The following NBEA variants were observed in gnomAD, a reference collection of about 807,000 sequenced individuals.
NBEA encodes the protein lysosomal-trafficking regulator 2.
A neutral mutation model predicts 343.4 loss-of-function variants in NBEA; 44 were observed. That is an observed-to-expected ratio of 0.13 (90% CI 0.10 to 0.16). The LOEUF (loss-of-function observed/expected upper bound fraction) is 0.16, where lower values mean the gene tolerates loss of function less well. NBEA is among the 10% of genes least tolerant of loss of function. The pLI is 1.00. For synonymous variants in NBEA, 1,175 were observed against 1,238.7 expected, an observed-to-expected ratio of 0.95 and a Z score of 1.08; for missense variants, 2,555 against 3,631.3, an observed-to-expected ratio of 0.70 and a Z score of 7.62.
intron 10 of NBEA, among the ~76,000 whole-genome samples, chr13:35,077,502 G>A (rs73483927): frequency 0.1 from 15,612 of 151,958 alleles, 941 homozygotes; most frequent in South Asian, 0.16. Context: ...AGCTGTTCCT[G>A]TATTTCCCAC....
At chr13:35,488,121 C>T (rs553288852) in intron 41 of NBEA, among the ~76,000 whole-genome samples, 1 of 151,840 alleles carries the variant, frequency 6.6e-6, no homozygotes, top group Non-Finnish European at 1.5e-5. Flanking sequence ...TTTTCCGTGA[C>T]TTGACTTATA....
At chr13:35,484,091 C>T (rs776491241) in intron 41 of NBEA, among the ~76,000 whole-genome samples, 1 of 151,884 alleles carries the variant, frequency 6.6e-6, no homozygotes, top group Non-Finnish European at 1.5e-5. Context: ...TAAAATAACA[C>T]GGGAAATTCC....
intron 49 of NBEA, among the ~76,000 whole-genome samples, chr13:35,628,549 C>T (rs1460212789): frequency 3.9e-5 from 6 of 152,086 alleles, no homozygotes; most frequent in Non-Finnish European, 8.8e-5. Flanking sequence ...TAAGTGAAAC[C>T]TAGCTGAATA....
intron 38 of NBEA, among the ~76,000 whole-genome samples, chr13:35,426,781 A>G (rs1408537409): frequency 1.3e-5 from 2 of 152,156 alleles, no homozygotes; most frequent in African/African-American, 2.4e-5. Context: ...TTTCAGGTAC[A>G]CCAATCAGAC....
At chr13:35,228,898 A>G (rs955817078) in intron 33 of NBEA, among the ~76,000 whole-genome samples, 3 of 152,134 alleles carry the variant, frequency 2.0e-5, no homozygotes, top group African/African-American at 7.2e-5. Context: ...GAACTTAACC[A>G]AATATTAAGT....
intron 1 of NBEA, among the ~76,000 whole-genome samples, chr13:35,004,039 T>C (rs1470012596): frequency 2.6e-5 from 4 of 152,214 alleles, no homozygotes; most frequent in Non-Finnish European, 4.4e-5. Flanking sequence ...TTTGGTTTTA[T>C]GTTCCTGTGT....
At chr13:35,325,342 A>G (rs958994929) in intron 36 of NBEA, among the ~76,000 whole-genome samples, 2 of 151,982 alleles carry the variant, frequency 1.3e-5, no homozygotes, top group Admixed American at 1.3e-4. Flanking sequence ...ACATAATTGT[A>G]TGTATACAAG....
intron 1 of NBEA, among the ~76,000 whole-genome samples, chr13:35,015,014 A>G (rs2061602415): frequency 6.6e-6 from 1 of 150,950 alleles, no homozygotes; most frequent in Non-Finnish European, 1.5e-5. Flanking sequence ...GGGCCGCATC[A>G]TCACCTCCTC....
chr13:34,946,864 A>G (rs1441252185), intron 1 of NBEA, among the ~76,000 whole-genome samples: 1 of 130,860 alleles, frequency 7.6e-6, no homozygotes, highest in East Asian at 2.2e-4. Flanking sequence ...TTTTTTTTGT[A>G]CTTGAATATG....
chr13:35,465,344 T>C (rs958003763), intron 40 of NBEA, among the ~76,000 whole-genome samples: 3 of 152,176 alleles, frequency 2.0e-5, no homozygotes, highest in Admixed American at 1.3e-4. Flanking sequence ...TCAATTAGCT[T>C]GTGCCAAATG....
intron 16 of NBEA, among the ~76,000 whole-genome samples, chr13:35,122,859 G>A (rs755743697): frequency 6.6e-6 from 1 of 152,088 alleles, no homozygotes; most frequent in Non-Finnish European, 1.5e-5. Flanking sequence ...AAACGTTACT[G>A]TTCTAGTTTC....
In NBEA at chr13:35,278,475, A is replaced by G. The variant is rs188570372; in HGVS notation, c.5777-11914A>G. Among the ~76,000 whole-genome samples the G allele has an allele frequency of 8.5e-5, 13 of 152,332 alleles. No individual in the cohort carries two copies. The East Asian group carries it at 1.9e-3, about 23-fold the overall frequency. On this transcript the variant is annotated intron_variant, in intron 34 of 58. Transcript: ENST00000379939. ...CATTTAACCAAAATGCTCAAGGTCT[A>G]CAAGATAAAACCCCGTGAACTCACA...
chr13:35,235,213 A>T (rs1336719814), intron 34 of NBEA, among the ~76,000 whole-genome samples: 1 of 152,066 alleles, frequency 6.6e-6, no homozygotes, highest in Non-Finnish European at 1.5e-5. Flanking sequence ...GATTTCCTGT[A>T]GTTAGATGCT....
chr13:35,585,765 A>G (rs2081266245), intron 46 of NBEA, among the ~76,000 whole-genome samples: 1 of 151,988 alleles, frequency 6.6e-6, no homozygotes, highest in Non-Finnish European at 1.5e-5. Context: ...GTGATTATTC[A>G]CTCAGCTGCC....
At chr13:35,326,089 T>G (rs2152844208) in intron 36 of NBEA, among the ~76,000 whole-genome samples, 1 of 152,272 alleles carries the variant, frequency 6.6e-6, no homozygotes, top group East Asian at 1.9e-4. Flanking sequence ...TAATGATGCC[T>G]TTGGCTTTGT....
intron 41 of NBEA, among the ~76,000 whole-genome samples, chr13:35,507,286 G>A (rs1391313926): frequency 6.6e-6 from 1 of 151,970 alleles, no homozygotes; most frequent in East Asian, 1.9e-4. Context: ...ATGTTGGAGT[G>A]TCCCAAAGCT....
chr13:35,108,098 TA>T (rs1338020013), intron 11 of NBEA, among the ~76,000 whole-genome samples: 3 of 152,072 alleles, frequency 2.0e-5, no homozygotes, highest in Non-Finnish European at 4.4e-5. Context: ...GTAAAATTGG[TA>T]AGACAATTTC....
intron 45 of NBEA, among the ~76,000 whole-genome samples, chr13:35,572,710 G>A (rs1049221240): frequency 4.4e-5 from 4 of 89,916 alleles, no homozygotes; most frequent in Admixed American, 1.4e-4. Context: ...AGAGCAAGTT[G>A]GGTTTGTTGT....
intron 34 of NBEA, among the ~76,000 whole-genome samples, chr13:35,266,154 C>T (rs373575289): frequency 6.6e-6 from 1 of 151,732 alleles, no homozygotes; most frequent in South Asian, 2.1e-4. Flanking sequence ...ATATCACCTT[C>T]CTTTTTAAAT....
Sources: allele counts gnomAD v4.1 joint callset (sites outside exome capture counted in the v4.1 genomes callset), GRCh38; gene constraint gnomAD v4.1.1; transcripts MANE v1.5; gene names NCBI Gene and HGNC (gene_info 2026-07-23, HGNC 2026-07-21).